PTPRZ1: variants seen among roughly 807,000 people sequenced by gnomAD.
The protein encoded by PTPRZ1 is protein tyrosine phosphatase receptor type Z1, also known as receptor-type tyrosine-protein phosphatase zeta.
Under a neutral mutation model 214.1 loss-of-function variants are expected in PTPRZ1, and 82 were observed. That is an observed-to-expected ratio of 0.38 (90% CI 0.32 to 0.46). The LOEUF is 0.46. Among genes scored for constraint, PTPRZ1 ranks in the 20% least tolerant of loss-of-function variants. The pLI is 1.00. For synonymous variants in PTPRZ1, 945 were observed against 987.9 expected, an observed-to-expected ratio of 0.96 and a Z score of 0.81; for missense variants, 2,603 against 2,748.7, an observed-to-expected ratio of 0.95 and a Z score of 1.19.
chr7:121,886,425 T>C (rs1329590072), intron 1 of PTPRZ1, among the ~76,000 whole-genome samples: 1 of 150,508 alleles, frequency 6.6e-6, no homozygotes, highest in Non-Finnish European at 1.5e-5. Flanking sequence ...CGTTAGTTCA[T>C]CAAAAACACA....
At chr7:122,031,430 T>C (rs774969758) in intron 14 of PTPRZ1, 44 bp from the exon 15 acceptor site, 14 of 1,391,164 alleles carry the variant, frequency 1.0e-5, no homozygotes, top group African/African-American at 1.4e-5. Context: ...TACGTTTATT[T>C]CTGTTAAATT....
rs1799272204 is a variant in PTPRZ1, at chr7:122,028,440, T to A, written c.4989-112T>A. ...TCCAGCAATCCCTCTTCTGGGTATA[T>A]ACCTGCTTTTGTTTTAATTCTGGAG... is the stretch of plus-strand genomic sequence containing the variant. On this transcript the variant is annotated intron_variant, in intron 13 of 29. Transcript: ENST00000393386. The A allele has an allele frequency of 4.3e-5, 31 of 720,884 alleles. 1 individual carries two copies. The South Asian group carries it at 5.6e-4, about 13-fold the overall frequency. 44.7% of individuals were successfully genotyped at this position (720,884 alleles called of 1,614,324 possible).
intron 20 of PTPRZ1, 50 bp from the exon 21 acceptor site, chr7:122,040,766 G>T (rs1045797700): frequency 1.1e-6 from 1 of 925,524 alleles, no homozygotes; most frequent in Non-Finnish European, 1.6e-6. Context: ...GTGTGTGTGT[G>T]TGTGTGTGTG....
chr7:121,897,761 A>T (rs73717744), intron 1 of PTPRZ1, among the ~76,000 whole-genome samples: 3,001 of 152,306 alleles, frequency 0.02, 22 homozygotes, highest in Middle Eastern at 0.037. Context: ...GCATGTAGTG[A>T]ATATATTTAC....
intron 2 of PTPRZ1, among the ~76,000 whole-genome samples, chr7:121,941,825 C>T (rs1796246071): frequency 6.6e-6 from 1 of 152,114 alleles, no homozygotes. Flanking sequence ...GTATATTAAT[C>T]ACCTATGTCC....
rs554554317 is a variant in PTPRZ1 at position 121,894,776 on chromosome 7, G to A, written c.58+21219G>A. Among the ~76,000 whole-genome samples, 11 of 152,218 alleles carry A rather than the reference G, an allele frequency of 7.2e-5. No homozygotes were observed. In the South Asian group the frequency reaches 2.1e-3, roughly 29 times the overall value. On this transcript the variant is annotated intron_variant, in intron 1 of 29. Coordinates refer to ENST00000393386, the MANE Select transcript of PTPRZ1 (RefSeq NM_002851.3). ...GATTATTAGAATTCTTTGTCTTAAG[G>A]ATATGTAGTTTGGATTCCCCCTGAC...
intron 8 of PTPRZ1, among the ~76,000 whole-genome samples, chr7:121,988,032 T>C (rs910939803): frequency 3.9e-5 from 6 of 152,026 alleles, no homozygotes; most frequent in Non-Finnish European, 8.8e-5. Context: ...AGTGGAGAGG[T>C]GGGTGAGTTA....
chr7:121,920,998 T>C (rs768009730), intron 1 of PTPRZ1, among the ~76,000 whole-genome samples: 3 of 152,134 alleles, frequency 2.0e-5, no homozygotes, highest in Admixed American at 6.5e-5. Flanking sequence ...CATACATGCA[T>C]GGGCAAAACT....
At chr7:121,894,388 A>C (rs548584614) in intron 1 of PTPRZ1, among the ~76,000 whole-genome samples, 1 of 152,020 alleles carries the variant, frequency 6.6e-6, no homozygotes, top group Non-Finnish European at 1.5e-5. Context: ...TTTTTGTACA[A>C]ATCTTTTGTT....
chr7:121,889,097 C>G (rs932683107), intron 1 of PTPRZ1, among the ~76,000 whole-genome samples: 2 of 149,548 alleles, frequency 1.3e-5, no homozygotes, highest in Admixed American at 1.3e-4. Flanking sequence ...ATACTTTCAT[C>G]CCACTTTCAA....
chr7:122,048,432 T>G (rs1460553690), intron 23 of PTPRZ1, among the ~76,000 whole-genome samples: 2 of 152,118 alleles, frequency 1.3e-5, no homozygotes, highest in Non-Finnish European at 2.9e-5. Context: ...TGACAATACA[T>G]TTGAAAACCT....
At chr7:122,045,207 G>A (rs1044660227) in intron 23 of PTPRZ1, among the ~76,000 whole-genome samples, 4 of 152,082 alleles carry the variant, frequency 2.6e-5, no homozygotes, top group Non-Finnish European at 4.4e-5. Flanking sequence ...GTGCAGAATC[G>A]TAGCTTTCCA....
chr7:121,878,956 T>C (rs1205722374), intron 1 of PTPRZ1, among the ~76,000 whole-genome samples: 1 of 152,196 alleles, frequency 6.6e-6, no homozygotes, highest in African/African-American at 2.4e-5. Flanking sequence ...CTTTTGATTA[T>C]GATCTCAGTC....
At chr7:121,896,998 T>C (rs2116243094) in intron 1 of PTPRZ1, among the ~76,000 whole-genome samples, 1 of 152,280 alleles carries the variant, frequency 6.6e-6, no homozygotes, top group South Asian at 2.1e-4. Context: ...AGTGGGTGTA[T>C]TTGATAATGA....
rs539414206 is a variant in PTPRZ1 at position 122,049,471 on chromosome 7, A to G, written c.6085-1957A>G. ...GTTTAATAAACATACATAAAAATCA[A>G]TAGCATTGTTATTTGTTAGCTTTGA... On this transcript the variant is annotated intron_variant, in intron 23 of 29. Transcript: ENST00000393386. Among the ~76,000 whole-genome samples the G allele has an allele frequency of 2.0e-5, 3 of 152,240 alleles. No homozygotes were observed. The South Asian group carries it at 6.2e-4, about 32-fold the overall frequency.
intron 10 of PTPRZ1, among the ~76,000 whole-genome samples, chr7:122,000,974 G>A (rs565581595): frequency 1.5e-4 from 23 of 151,872 alleles, no homozygotes; most frequent in East Asian, 5.8e-4. Context: ...GTGAGCCACC[G>A]CACCTGGCCA....
intron 1 of PTPRZ1, chr7:121,909,093 T>C (rs894958690): frequency 2.4e-5 from 9 of 379,168 alleles, no homozygotes; most frequent in African/African-American, 1.7e-4. Flanking sequence ...AATTAGAGTA[T>C]AATGGCACAA....
intron 11 of PTPRZ1, among the ~76,000 whole-genome samples, chr7:122,009,553 G>GTA (rs1322713343): frequency 6.6e-6 from 1 of 150,542 alleles, no homozygotes; most frequent in African/African-American, 2.4e-5. Context: ...ATACGTATAT[G>GTA]TATATATATA....
Position 122,013,087 on chromosome 7 carries a change from G to T in PTPRZ1, c.4041G>T (p.Lys1347Asn). Reference protein sequence around the residue: ...LTSTKSSVTGKVFAGIPTVAS... With the variant: ...LTSTKSSVTGNVFAGIPTVAS... Reference sequence around the variant, plus strand: ...CCACCAAAAGTTCTGTTACTGGTAAGGTATTTGCTGGTATTCCAACAGTTG... The same window carrying T: ...CCACCAAAAGTTCTGTTACTGGTAATGTATTTGCTGGTATTCCAACAGTTG... Residue 1347 changes from lysine to asparagine, a missense_variant, in exon 12 of 30, where the codon AAG (lysine) becomes AAT (asparagine). Physicochemically the swap from Lys to Asn is moderately conservative, Grantham distance 94 (BLOSUM62 0). Transcript: ENST00000393386. 3 of 1,613,572 alleles carry T rather than the reference G, an allele frequency of 1.9e-6. No individual in the cohort carries two copies. The highest frequency in any genetic ancestry group is 2.5e-6 in the Non-Finnish European group (3 of 1,179,480).
Sources: gnomAD v4.1 joint callset for allele counts (sites outside exome capture counted in the v4.1 genomes callset) on GRCh38, gnomAD v4.1.1 for gene constraint, MANE v1.5 for transcripts, NCBI Gene and HGNC (gene_info 2026-07-23, HGNC 2026-07-21) for gene names.